Variants in RAB5A observed in about 807,000 individuals in gnomAD.
RAB5A encodes ras-related protein Rab-5A.
A neutral mutation model predicts 25.7 loss-of-function variants in RAB5A; 8 were observed. That is an observed-to-expected ratio of 0.31 (90% confidence interval 0.18 to 0.56). The LOEUF is 0.56. RAB5A is among the 20% of genes least tolerant of loss of function. RAB5A has a pLI of 0.91. For missense variants in RAB5A, 192 were observed against 259.7 expected (o/e 0.74, Z 1.79); for synonymous variants, 98 against 89.8 (o/e 1.09, Z -0.52).
chr3:19,975,583 G>A lies in RAB5A; in HGVS notation c.164-18G>A. The A allele has an allele frequency of 2.5e-6, 4 of 1,608,494 alleles. No individual in the cohort carries two copies. The highest frequency in any genetic ancestry group is 1.3e-5 in the African/African-American group (1 of 74,768). ...TTTGGAGAAAAATGATTGACTTATTGTAGTCCTTTTCTTTCAGCTGCTTTT... is the reference window on the plus strand; with the variant it reads ...TTTGGAGAAAAATGATTGACTTATTATAGTCCTTTTCTTTCAGCTGCTTTT... On this transcript the variant is annotated intron_variant, in intron 2 of 5. Transcript: ENST00000273047.
At chr3:19,949,848 C>T (rs1284744364) in intron 1 of RAB5A, among the ~76,000 whole-genome samples, 1 of 151,786 alleles carries the variant, frequency 6.6e-6, no homozygotes, top group Non-Finnish European at 1.5e-5. Context: ...AGTTCAGGAT[C>T]ATCCTGGGCA....
intron 4 of RAB5A, among the ~76,000 whole-genome samples, chr3:19,978,008 A>C (rs916806253): frequency 6.6e-6 from 1 of 152,240 alleles, no homozygotes; most frequent in Non-Finnish European, 1.5e-5. Flanking sequence ...TATTTAGAAT[A>C]AGATAATTCT....
At chr3:19,949,571 G>T (rs1309336213) in intron 1 of RAB5A, among the ~76,000 whole-genome samples, 1 of 152,088 alleles carries the variant, frequency 6.6e-6, no homozygotes, top group African/African-American at 2.4e-5. Context: ...GGAATCATCA[G>T]GTTTAATATA....
rs776003686 is a variant in RAB5A at position 19,947,355 on chromosome 3, C to A, written c.-260C>A. 5.4e-6 allele frequency: 1 copy of A among 183,610 alleles called. No homozygotes were observed. Among genetic ancestry groups the A allele is most frequent in the Non-Finnish European group, 1.1e-5 (1 of 90,554 alleles). The allele number at this position is 183,610 out of a possible 1,614,324, so 11.4% of individuals were successfully genotyped here. Reference sequence around the variant, plus strand: ...AGACGGAGCCCGACAGGGGCGGCACCACGGCACGAGCCCCGCACAGTCCAG... The same window carrying A: ...AGACGGAGCCCGACAGGGGCGGCACAACGGCACGAGCCCCGCACAGTCCAG... On this transcript the variant is annotated 5_prime_UTR_variant, in exon 1 of 6. Transcript: ENST00000273047.
chr3:19,981,993 A>T (rs1696937789), intron 5 of RAB5A, among the ~76,000 whole-genome samples: 1 of 152,062 alleles, frequency 6.6e-6, no homozygotes, highest in Admixed American at 6.6e-5. Context: ...CTATAATCCC[A>T]ATACTTTGAG....
intron 2 of RAB5A, among the ~76,000 whole-genome samples, chr3:19,962,642 A>G (rs894656427): frequency 3.3e-5 from 5 of 152,142 alleles, no homozygotes; most frequent in African/African-American, 7.2e-5. Context: ...TGGCTGTAAC[A>G]GTATTCCCTT....
chr3:19,947,270 C>CGGT lies in RAB5A; in HGVS notation c.-343_-342insTGG. 1 of 144,806 alleles carries CGGT rather than the reference C, an allele frequency of 6.9e-6. No individual in the cohort carries two copies. The allele number at this position is 144,806 out of a possible 1,614,324, so 9.0% of individuals were successfully genotyped here. ...GAATTAGTCGGAACTCCAGCGCCGG[C>CGGT]GGCGGCGGCGGCGGCGGAGGAGGAG... On this transcript the variant is annotated 5_prime_UTR_variant, in exon 1 of 6. Coordinates refer to ENST00000273047, the MANE Select transcript of RAB5A (RefSeq NM_004162.5).
intron 2 of RAB5A, among the ~76,000 whole-genome samples, chr3:19,953,441 T>A (rs1696453785): frequency 6.7e-6 from 1 of 148,956 alleles, no homozygotes; most frequent in Non-Finnish European, 1.5e-5. Flanking sequence ...AGACAAGGTC[T>A]CTGTCGCCCA....
rs771004325 is a variant in RAB5A, at chr3:19,950,970, A to T, written c.72A>T (p.Val24=). 1 of 1,614,066 alleles carries T rather than the reference A, an allele frequency of 6.2e-7. No homozygotes were observed. The highest frequency in any genetic ancestry group is 1.1e-5 in the South Asian group (1 of 91,086). The change falls in exon 2 of 6, where the codon GTA becomes GTT. Residue 24 remains valine, a synonymous_variant. Coordinates refer to ENST00000273047, the MANE Select transcript of RAB5A (RefSeq NM_004162.5). The stretch of plus-strand genomic sequence containing the variant: ...ATAAAATATGCCAGTTCAAACTAGT[A>T]CTTCTGGGAGAGTCCGCTGTTGGCA... The part of the protein sequence containing the change: ...TGNKICQFKL[V]LLGESAVGKS...
chr3:19,963,364 A>ATCTCCCCCC (rs1696615859), intron 2 of RAB5A, among the ~76,000 whole-genome samples: 1 of 60,960 alleles, frequency 1.6e-5, no homozygotes, highest in African/African-American at 6.9e-5. Context: ...TTAGAATTTC[A>ATCTCCCCCC]CCCCCCCCCC....
chr3:19,969,044 GGTTTTTTTTT>G (rs1696705700), intron 2 of RAB5A, among the ~76,000 whole-genome samples: 1 of 65,554 alleles, frequency 1.5e-5, no homozygotes, highest in African/African-American at 8.3e-5. Context: ...TTTTTTTTTT[GGTTTTTTTTT>G]TTTTTTTGAG....
chr3:19,969,373 G>A (rs987966237), intron 2 of RAB5A, among the ~76,000 whole-genome samples: 1 of 152,132 alleles, frequency 6.6e-6, no homozygotes, highest in East Asian at 1.9e-4. Context: ...TGCTAATTTA[G>A]GAGATAAAAA....
intron 2 of RAB5A, among the ~76,000 whole-genome samples, chr3:19,966,972 TTA>T (rs1231785105): frequency 2.0e-5 from 3 of 152,162 alleles, no homozygotes; most frequent in Admixed American, 1.3e-4. Flanking sequence ...TGTAAATTTT[TTA>T]TAGAGACAGA....
chr3:19,977,138 C>A lies in RAB5A; in HGVS notation c.438+969C>A, dbSNP rs917758332. On this transcript the variant is annotated intron_variant, in intron 4 of 5. Transcript: ENST00000273047. ...CCAGGCTGGAGTGCAGTGGCGCAAT[C>A]TCAAGCTCACTGCAAGCTCCACCTC... Among the ~76,000 whole-genome samples, 3 of 147,538 alleles carry A rather than the reference C, an allele frequency of 2.0e-5. No homozygotes were observed. In the East Asian group the frequency reaches 5.9e-4, roughly 29 times the overall value.
intron 4 of RAB5A, among the ~76,000 whole-genome samples, 163 bp from the exon 5 acceptor site, chr3:19,978,147 C>T (rs955857764): frequency 2.6e-5 from 4 of 152,164 alleles, no homozygotes; most frequent in African/African-American, 9.7e-5. Context: ...GCACAGTGCT[C>T]TTACCTCTGT....
intron 5 of RAB5A, among the ~76,000 whole-genome samples, chr3:19,983,492 G>A (rs966839945): frequency 3.9e-5 from 6 of 152,082 alleles, no homozygotes; most frequent in Admixed American, 2.0e-4. Flanking sequence ...CCCATCTACC[G>A]TTCCCCCAAC....
Position 19,976,314 on chromosome 3 carries a change from T to C in RAB5A, c.438+145T>C, listed in dbSNP as rs376226699. The C allele has an allele frequency of 7.6e-5, 68 of 899,778 alleles. No homozygotes were observed. In the East Asian group the frequency reaches 2.2e-3, roughly 29 times the overall value. The allele number at this position is 899,778 out of a possible 1,614,324, so 55.7% of individuals were successfully genotyped here. The stretch of plus-strand genomic sequence containing the variant: ...TAAAACAAATATAAAGTACTACATA[T>C]AATAAAATGTTTCTGATAAACCTAA... On this transcript the variant is annotated intron_variant, in intron 4 of 5. Transcript: ENST00000273047.
chr3:19,975,214 CAAA>C (rs765855763), intron 2 of RAB5A, among the ~76,000 whole-genome samples: 45 of 114,618 alleles, frequency 3.9e-4, no homozygotes, highest in Middle Eastern at 4.2e-3. Flanking sequence ...ACTCTTGTAT[CAAA>C]AAAAAAAAAA....
rs983467194 is a variant in RAB5A, at chr3:19,957,305, G to GT, written c.163+6250dup. ...GTACTACACGTGTGCATATATTAAA[G>GT]TTTTTTCCAGTAACTACTTAATAAT... On this transcript the variant is annotated intron_variant, in intron 2 of 5. Transcript: ENST00000273047. Among the ~76,000 whole-genome samples, 14 of 152,116 alleles carry GT rather than the reference G, an allele frequency of 9.2e-5. No homozygotes were observed. The East Asian group carries it at 1.3e-3, about 15-fold the overall frequency.
Sources: allele counts gnomAD v4.1 joint callset (sites outside exome capture counted in the v4.1 genomes callset), GRCh38; gene constraint gnomAD v4.1.1; transcripts MANE v1.5; gene names NCBI Gene and HGNC (gene_info 2026-07-23, HGNC 2026-07-21).